ADGRE1: variants seen among roughly 807,000 people sequenced by gnomAD.
ADGRE1 encodes the protein EGF-like module receptor 1.
ADGRE1 carries 82 observed loss-of-function variants against 102.7 expected under a neutral mutation model. That is an observed-to-expected ratio of 0.80 (90% CI 0.67 to 0.96). The LOEUF is 0.96. Among genes scored for constraint, ADGRE1 ranks in the 40% least tolerant of loss-of-function variants. ADGRE1 has a pLI of 0.00. For missense variants in ADGRE1, 1,032 were observed against 1,085.3 expected (o/e 0.95, Z 0.69); for synonymous variants, 398 against 399.6 (o/e 1.00, Z 0.05).
chr19:6,919,583 A>G lies in ADGRE1; in HGVS notation c.1456A>G (p.Met486Val). ...TGVAFVSFVG[M>V]ESVLNERFFK... ...TGTGGCTTTTGTCTCCTTTGTGGGC[A>G]TGGAATCGGTTTTAAATGAGCGCTT... Residue 486 changes from methionine (M) to valine (V), a missense_variant, in exon 13 of 21, where the codon ATG becomes GTG. Transcript: ENST00000312053. 6.2e-7 allele frequency: 1 copy of G among 1,613,002 alleles called. No individual in the cohort carries two copies. The highest frequency in any genetic ancestry group is 8.5e-7 in the Non-Finnish European group (1 of 1,179,832).
Position 6,921,679 on chromosome 19 carries a change from G to A in ADGRE1, c.1621-34G>A, listed in dbSNP as rs745876789. 3.0e-5 allele frequency: 45 copies of A among 1,523,050 alleles called. 1 individual carries two copies. Among genetic ancestry groups the A allele is most frequent in the South Asian group, 6.1e-5 (5 of 82,008 alleles). 94.3% of individuals were successfully genotyped at this position (1,523,050 alleles called of 1,614,324 possible). ...ATCCATTTGATGGGGATTCCCAGAA[G>A]ACCTTTGTTTTTTTGTTTTTTTGTT... On this transcript the variant is annotated intron_variant, in intron 13 of 20. Transcript: ENST00000312053.
chr19:6,938,504 T>A (rs1247200299), intron 20 of ADGRE1, among the ~76,000 whole-genome samples: 1 of 152,178 alleles, frequency 6.6e-6, no homozygotes, highest in Non-Finnish European at 1.5e-5. Context: ...AATGTCTTAT[T>A]TTTTTCAACA....
intron 5 of ADGRE1, among the ~76,000 whole-genome samples, chr19:6,901,583 G>A (rs1973766873): frequency 6.6e-6 from 1 of 152,204 alleles, no homozygotes; most frequent in East Asian, 1.9e-4. Context: ...ACAGAGAGAA[G>A]TAAAGGACTA....
chr19:6,911,927 A>C (rs1202064049), intron 10 of ADGRE1, among the ~76,000 whole-genome samples: 1 of 151,848 alleles, frequency 6.6e-6, no homozygotes, highest in Non-Finnish European at 1.5e-5. Context: ...ACACACATGT[A>C]TACACACATC....
At chr19:6,933,694 A>G (rs114867957) in intron 17 of ADGRE1, among the ~76,000 whole-genome samples, 3,173 of 152,150 alleles carry the variant, frequency 0.021, 118 homozygotes, top group African/African-American at 0.073. Flanking sequence ...ACCAGAAGAC[A>G]TTTTTGGTTG....
rs1359312573 is a variant in ADGRE1 at position 6,908,773 on chromosome 19, G to A, written c.1122+1G>A. On this transcript the variant is annotated splice_donor_variant, in intron 10 of 20. Coordinates refer to ENST00000312053, the MANE Select transcript of ADGRE1 (RefSeq NM_001974.5). LOFTEE classifies it high-confidence loss of function. ...TAAAACGACCGTAGTTTCTCTGAAG[G>A]TAACGATTGGGTCTTTTAAATTGTG... 1.1e-5 allele frequency: 18 copies of A among 1,605,200 alleles called. No homozygotes were observed. The highest frequency in any genetic ancestry group is 1.5e-5 in the Non-Finnish European group (18 of 1,177,692).
chr19:6,919,101 C>T (rs576095430), intron 12 of ADGRE1, among the ~76,000 whole-genome samples: 5 of 151,934 alleles, frequency 3.3e-5, no homozygotes, highest in African/African-American at 1.2e-4. Context: ...GGTGCGATCT[C>T]GGCTCACTGC....
intron 2 of ADGRE1, among the ~76,000 whole-genome samples, chr19:6,894,773 G>T (rs1973491032): frequency 6.6e-6 from 1 of 152,182 alleles, no homozygotes; most frequent in Non-Finnish European, 1.5e-5. Flanking sequence ...ATATAGAAAT[G>T]TTAAATTCAG....
chr19:6,928,123 C>T (rs780741712), intron 16 of ADGRE1, 22 bp from the exon 17 acceptor site: 50 of 1,610,524 alleles, frequency 3.1e-5, no homozygotes, highest in Non-Finnish European at 3.8e-5. Context: ...CAAGCGCTGA[C>T]TCCTCCTATT....
At chr19:6,929,066 A>T (rs2145010275) in intron 17 of ADGRE1, among the ~76,000 whole-genome samples, 1 of 152,296 alleles carries the variant, frequency 6.6e-6, no homozygotes. Context: ...GGGAGGGACC[A>T]TAATTGTATC....
chr19:6,922,292 CAA>C (rs1974698890), intron 14 of ADGRE1, among the ~76,000 whole-genome samples: 1 of 152,036 alleles, frequency 6.6e-6, no homozygotes, highest in South Asian at 2.1e-4. Flanking sequence ...CTAACACATG[CAA>C]ATGGGTCAAG....
rs556219715 is a variant in ADGRE1, at chr19:6,925,474, C to T, written c.1986+602C>T. Among the ~76,000 whole-genome samples, 7 of 152,102 alleles carry T rather than the reference C, an allele frequency of 4.6e-5. No individual in the cohort carries two copies. The East Asian group carries it at 1.4e-3, about 30-fold the overall frequency. ...TTCTCTCCCTGGGTGCTTTTTGTCC[C>T]CAGGGGAGACTTGGCAATGTCTGGG... On this transcript the variant is annotated intron_variant, in intron 15 of 20. Coordinates refer to ENST00000312053, the MANE Select transcript of ADGRE1 (RefSeq NM_001974.5).
In ADGRE1 at chr19:6,890,517, G is replaced by A. The variant is rs1216837811; in HGVS notation, c.68G>A (p.Arg23Lys). The change falls in exon 2 of 21, where the codon AGA becomes AAA. Residue 23 changes from arginine (R) to lysine (K), a missense_variant. Arg to Lys is a conservative substitution (Grantham distance 26). Transcript: ENST00000312053. ...ATGCACAGCTGGGAAGGGCACATAAGACCCACACGGAAACCAAACACAAAG... is the reference window on the plus strand; with the variant it reads ...ATGCACAGCTGGGAAGGGCACATAAAACCCACACGGAAACCAAACACAAAG... ...CVMHSWEGHIRPTRKPNTKGN... is the reference protein window; with the variant it reads ...CVMHSWEGHIKPTRKPNTKGN... The A allele has an allele frequency of 6.4e-7, 1 of 1,558,526 alleles. No individual in the cohort carries two copies. Among genetic ancestry groups the A allele is most frequent in the African/African-American group, 1.4e-5 (1 of 69,430 alleles).
intron 17 of ADGRE1, 89 bp from the exon 18 acceptor site, chr19:6,934,898 C>T (rs1310522853): frequency 2.6e-5 from 22 of 852,530 alleles, no homozygotes; most frequent in Non-Finnish European, 3.2e-5. Flanking sequence ...TGAGCCACCA[C>T]GCCCAGCCCA....
intron 17 of ADGRE1, among the ~76,000 whole-genome samples, chr19:6,929,452 G>A (rs1369216897): frequency 6.6e-6 from 1 of 152,060 alleles, no homozygotes; most frequent in East Asian, 1.9e-4. Context: ...GTCTTTACTT[G>A]GCTGGCACCA....
At chr19:6,926,317 A>C in intron 15 of ADGRE1, 49 bp from the exon 16 acceptor site, 1 of 1,598,002 alleles carries the variant, frequency 6.3e-7, no homozygotes, top group East Asian at 2.2e-5. Flanking sequence ...CTTCCTTTCG[A>C]TTTCTCTCTG....
intron 12 of ADGRE1, among the ~76,000 whole-genome samples, chr19:6,917,671 TGG>T (rs1974447174): frequency 7.1e-6 from 1 of 141,820 alleles, no homozygotes; most frequent in African/African-American, 2.6e-5. Flanking sequence ...ACCTGGGAGG[TGG>T]AGGCTGCAGT....
intron 11 of ADGRE1, among the ~76,000 whole-genome samples, chr19:6,915,935 A>ACC (rs1568351498): frequency 6.7e-6 from 1 of 149,832 alleles, no homozygotes; most frequent in Non-Finnish European, 1.5e-5. Context: ...AAAAAAAAAA[A>ACC]AAAAAAAAAA....
rs201359815 is a variant in ADGRE1, at chr19:6,903,891, C to G, written c.743C>G (p.Pro248Arg). Residue 248 changes from proline (P) to arginine (R), a missense_variant, in exon 7 of 21, where the codon CCT (proline) becomes CGT (arginine). Coordinates refer to ENST00000312053, the MANE Select transcript of ADGRE1 (RefSeq NM_001974.5). ...TPGSYFCTCH[P>R]GFAPSNGQLN... Reference sequence around the variant, plus strand: ...GGGAGCTACTTTTGCACCTGCCACCCTGGCTTTGCACCAAGCAATGGACAG... The same window carrying G: ...GGGAGCTACTTTTGCACCTGCCACCGTGGCTTTGCACCAAGCAATGGACAG... The G allele has an allele frequency of 2.5e-6, 4 of 1,614,216 alleles. No individual in the cohort carries two copies. The highest frequency in any genetic ancestry group is 8.5e-7 in the Non-Finnish European group (1 of 1,180,034).
Sources: gnomAD v4.1 joint callset for allele counts (sites outside exome capture counted in the v4.1 genomes callset) on GRCh38, gnomAD v4.1.1 for gene constraint, MANE v1.5 for transcripts, NCBI Gene and HGNC (gene_info 2026-07-23, HGNC 2026-07-21) for gene names.